MALRD1: variants seen among roughly 807,000 people sequenced by gnomAD.
MALRD1 encodes the protein MAM and LDL receptor class A domain containing 1, also known as MAM and LDL-receptor class A domain-containing protein 1.
A neutral mutation model predicts 242.1 loss-of-function variants in MALRD1; 247 were observed. The ratio of observed to expected loss-of-function variants is 1.02; its 90% CI spans 0.92 to 1.13. MALRD1 has a LOEUF of 1.13. Ranked by LOEUF, MALRD1 falls within the 50% of genes most tolerant of loss-of-function variation. The pLI is 0.00. For synonymous variants in MALRD1, 995 were observed against 866.6 expected, an observed-to-expected ratio of 1.15 and a Z score of -2.60; for missense variants, 2,989 against 2,533.1, an observed-to-expected ratio of 1.18 and a Z score of -3.86.
At chr10:19,579,483 G>GATAATC (rs1233136192) in intron 33 of MALRD1, among the ~76,000 whole-genome samples, 1 of 152,130 alleles carries the variant, frequency 6.6e-6, no homozygotes, top group Admixed American at 6.5e-5. Context: ...TTTATACTAA[G>GATAATC]AGAAAGATCT....
At chr10:19,665,275 G>T (rs1316270201) in intron 36 of MALRD1, among the ~76,000 whole-genome samples, 1 of 152,088 alleles carries the variant, frequency 6.6e-6, no homozygotes, top group Non-Finnish European at 1.5e-5. Flanking sequence ...AAACAAAACG[G>T]ATTTTGAGCT....
At chr10:19,497,781 G>T (rs759552512) in intron 30 of MALRD1, among the ~76,000 whole-genome samples, 1 of 152,084 alleles carries the variant, frequency 6.6e-6, no homozygotes, top group Non-Finnish European at 1.5e-5. Context: ...TACAGTGAGT[G>T]CTTCAAAAGT....
At chr10:19,125,269 CTT>C (rs1168393318) in intron 7 of MALRD1, among the ~76,000 whole-genome samples, 3 of 91,280 alleles carry the variant, frequency 3.3e-5, no homozygotes, top group African/African-American at 5.3e-5. Flanking sequence ...CTTTCTTTCT[CTT>C]TCTTTCTTTC....
intron 28 of MALRD1, among the ~76,000 whole-genome samples, chr10:19,444,058 T>G (rs575071962): frequency 1.3e-5 from 2 of 152,236 alleles, no homozygotes; most frequent in Non-Finnish European, 2.9e-5. Flanking sequence ...TTTATCGTTA[T>G]GTAATGGCCC....
chr10:19,276,340 G>A (rs1463037271), intron 19 of MALRD1, among the ~76,000 whole-genome samples: 1 of 151,020 alleles, frequency 6.6e-6, no homozygotes, highest in Non-Finnish European at 1.5e-5. Context: ...AGTAAATTAT[G>A]CTCTGAAATG....
chr10:19,195,318 C>G (rs527303795), intron 14 of MALRD1, among the ~76,000 whole-genome samples: 164 of 152,282 alleles, frequency 1.1e-3, no homozygotes, highest in African/African-American at 3.6e-3. Context: ...TTTTCCTCAG[C>G]TTCCTTGATT....
intron 21 of MALRD1, among the ~76,000 whole-genome samples, chr10:19,286,742 C>G (rs1462707599): frequency 6.6e-6 from 1 of 151,266 alleles, no homozygotes; most frequent in Non-Finnish European, 1.5e-5. Flanking sequence ...ACCAGAGGTA[C>G]AAGGAGGAAC....
At chr10:19,179,487 T>C (rs1835404764) in intron 14 of MALRD1, among the ~76,000 whole-genome samples, 1 of 151,962 alleles carries the variant, frequency 6.6e-6, no homozygotes, top group Non-Finnish European at 1.5e-5. Flanking sequence ...CCATCTCTAC[T>C]AAAAATATAA....
Position 19,451,362 on chromosome 10 carries a change from G to A in MALRD1, c.5029+872G>A, listed in dbSNP as rs532060743. Among the ~76,000 whole-genome samples the A allele has an allele frequency of 5.9e-5, 9 of 152,076 alleles. No homozygotes were observed. In the East Asian group the frequency reaches 1.7e-3, roughly 29 times the overall value. On this transcript the variant is annotated intron_variant, in intron 29 of 39. Transcript: ENST00000454679. ...CTGTGAACAGTAACTTGAAAAAAAA[G>A]TACCGCCATTTATCATGTTTCTAAA...
intron 12 of MALRD1, among the ~76,000 whole-genome samples, chr10:19,164,565 G>A (rs140945726): frequency 1.5e-3 from 229 of 152,276 alleles, no homozygotes; most frequent in African/African-American, 4.9e-3. Flanking sequence ...ATATGATAAT[G>A]AGAAGAGGCA....
At chr10:19,483,247 C>T (rs1837092728) in intron 29 of MALRD1, among the ~76,000 whole-genome samples, 1 of 150,902 alleles carries the variant, frequency 6.6e-6, no homozygotes, top group Admixed American at 6.6e-5. Context: ...TGACACTGAC[C>T]TTGGGAAATA....
intron 31 of MALRD1, among the ~76,000 whole-genome samples, chr10:19,526,040 G>A (rs1008858438): frequency 7.9e-5 from 12 of 152,164 alleles, no homozygotes; most frequent in Admixed American, 5.9e-4. Flanking sequence ...TTCTAAATAT[G>A]CTGTGGCAGT....
chr10:19,279,640 T>C (rs991027491), intron 19 of MALRD1, among the ~76,000 whole-genome samples: 2 of 152,328 alleles, frequency 1.3e-5, no homozygotes, highest in African/African-American at 4.8e-5. Context: ...GATGAGGAGA[T>C]GTTAGATTTA....
At chr10:19,699,118 T>G (rs1325727691) in intron 38 of MALRD1, among the ~76,000 whole-genome samples, 1 of 151,760 alleles carries the variant, frequency 6.6e-6, no homozygotes, top group African/African-American at 2.4e-5. Context: ...AGATGACGGG[T>G]TGATGGGTGC....
At chr10:19,456,982 A>C (rs2131076268) in intron 29 of MALRD1, among the ~76,000 whole-genome samples, 1 of 152,194 alleles carries the variant, frequency 6.6e-6, no homozygotes, top group Non-Finnish European at 1.5e-5. Flanking sequence ...TATTATTAGA[A>C]TGATAGTGTG....
At chr10:19,256,986 G>C (rs561958174) in intron 18 of MALRD1, among the ~76,000 whole-genome samples, 3 of 152,022 alleles carry the variant, frequency 2.0e-5, no homozygotes, top group African/African-American at 7.2e-5. Flanking sequence ...AATTCATCAT[G>C]ATCAATTCTG....
chr10:19,446,105 C>T (rs1304336718), intron 28 of MALRD1, among the ~76,000 whole-genome samples: 1 of 152,172 alleles, frequency 6.6e-6, no homozygotes, highest in South Asian at 2.1e-4. Flanking sequence ...GATATAATTT[C>T]CTGGTGTGCC....
intron 21 of MALRD1, among the ~76,000 whole-genome samples, chr10:19,295,961 G>A (rs1841674353): frequency 6.6e-6 from 1 of 152,162 alleles, no homozygotes; most frequent in Non-Finnish European, 1.5e-5. Flanking sequence ...GGACCACTTA[G>A]TCAAGATCTG....
rs576784981 is a variant in MALRD1, at chr10:19,137,346, C to A, written c.1411+565C>A. Among the ~76,000 whole-genome samples, 103 of 152,166 alleles carry A rather than the reference C, an allele frequency of 6.8e-4. 1 individual carries two copies. The highest frequency in any genetic ancestry group is 2.3e-3 in the African/African-American group (97 of 41,546). On this transcript the variant is annotated intron_variant, in intron 10 of 39. Coordinates refer to ENST00000454679, the MANE Select transcript of MALRD1 (RefSeq NM_001142308.3). ...GCCAGCCGGGTGCAATGGCTCACAC[C>A]TGTAATCCCAGCACTTTGGGAGGCT... is the stretch of plus-strand genomic sequence containing the variant.
Sources: allele counts gnomAD v4.1 joint callset (sites outside exome capture counted in the v4.1 genomes callset), GRCh38; gene constraint gnomAD v4.1.1; transcripts MANE v1.5; gene names NCBI Gene and HGNC (gene_info 2026-07-23, HGNC 2026-07-21).